TMBIM6: variants seen among roughly 807,000 people sequenced by gnomAD.
TMBIM6 encodes transmembrane BAX inhibitor motif containing 6, also known as bax inhibitor 1.
TMBIM6 carries 13 observed loss-of-function variants against 31.4 expected under a neutral mutation model. The ratio of observed to expected loss-of-function variants is 0.41; its 90% CI spans 0.27 to 0.66. The LOEUF is 0.66. Among genes scored for constraint, TMBIM6 ranks in the 30% least tolerant of loss-of-function variants. TMBIM6 has a pLI of 0.28. For missense variants in TMBIM6, 275 were observed against 289.5 expected (o/e 0.95, Z 0.36); for synonymous variants, 85 against 101.7 (o/e 0.84, Z 0.99).
At position 49,764,463 on chromosome 12, in the gene TMBIM6, G is replaced by A. The variant is rs542215097; in HGVS notation, c.*1567G>A. 6.6e-6 allele frequency: 1 copy of A among 152,476 alleles called. No individual in the cohort carries two copies. Among genetic ancestry groups the A allele is most frequent in the Non-Finnish European group, 1.5e-5 (1 of 67,994 alleles). The allele number at this position is 152,476 out of a possible 1,614,324, so 9.4% of individuals were successfully genotyped here. Reference sequence around the variant, plus strand: ...TATTCCTGGAGTGACATGCCACCCCGAATGGCTCACTTTCACTGAGGATGC... The same window carrying A: ...TATTCCTGGAGTGACATGCCACCCCAAATGGCTCACTTTCACTGAGGATGC... On this transcript the variant is annotated 3_prime_UTR_variant, in exon 10 of 10. Transcript: ENST00000267115.
intron 3 of TMBIM6, among the ~76,000 whole-genome samples, chr12:49,755,335 CCTTT>C (rs1945569132): frequency 1.3e-5 from 2 of 152,048 alleles, no homozygotes. Context: ...TTTCATTCAT[CCTTT>C]CTATTTTTTG....
Position 49,763,848 on chromosome 12 carries a change from T to A in TMBIM6, c.*952T>A, listed in dbSNP as rs1162742919. The A allele has an allele frequency of 6.6e-6, 1 of 152,160 alleles. No individual in the cohort carries two copies. Among genetic ancestry groups the A allele is most frequent in the East Asian group, 1.9e-4 (1 of 5,190 alleles). The allele number at this position is 152,160 out of a possible 1,614,324, so 9.4% of individuals were successfully genotyped here. The stretch of plus-strand genomic sequence containing the variant: ...GAGCAAACCTAGATAAGGACCTGTT[T>A]GGGGCAGCAGGGAGCAAAATCTCCT... On this transcript the variant is annotated 3_prime_UTR_variant, in exon 10 of 10. Coordinates refer to ENST00000267115, the MANE Select transcript of TMBIM6 (RefSeq NM_003217.3).
chr12:49,758,168 A>T, intron 4 of TMBIM6, 59 bp from the exon 5 acceptor site: 1 of 1,599,426 alleles, frequency 6.3e-7, no homozygotes. Flanking sequence ...CAGCTTTTGG[A>T]TGAGGATCCT....
At chr12:49,748,035 C>T (rs1208990372) in intron 1 of TMBIM6, among the ~76,000 whole-genome samples, 3 of 152,152 alleles carry the variant, frequency 2.0e-5, no homozygotes, top group Admixed American at 1.3e-4. Context: ...TCCTGAGTAG[C>T]TGGGACTATA....
At chr12:49,745,143 T>C (rs1032343949) in intron 1 of TMBIM6, among the ~76,000 whole-genome samples, 4 of 152,150 alleles carry the variant, frequency 2.6e-5, no homozygotes, top group African/African-American at 7.2e-5. Flanking sequence ...AAACAATTCC[T>C]TGGATGGTTC....
chr12:49,754,675 A>C (rs969162921), intron 3 of TMBIM6, among the ~76,000 whole-genome samples: 2 of 152,216 alleles, frequency 1.3e-5, no homozygotes, highest in Non-Finnish European at 2.9e-5. Context: ...GGAAGGAAGG[A>C]ACTTCAGTGT....
rs1193082012 is a variant in TMBIM6, at chr12:49,764,738, A to AAC, written c.*1843_*1844insCA. The AAC allele has an allele frequency of 3.3e-5, 5 of 152,190 alleles. No homozygotes were observed. The highest frequency in any genetic ancestry group is 1.2e-4 in the African/African-American group (5 of 41,346). 9.4% of individuals were successfully genotyped at this position (152,190 alleles called of 1,614,324 possible). ...AAAAAAAAAAGAAAGAAAAAAAAAA[A>AAC]AACACCTACTTTTAAAGAAAATACC... On this transcript the variant is annotated 3_prime_UTR_variant, in exon 10 of 10. Transcript: ENST00000267115.
intron 9 of TMBIM6, chr12:49,762,001 G>A (rs1945729167): frequency 6.0e-6 from 3 of 497,556 alleles, no homozygotes; most frequent in Non-Finnish European, 1.1e-5. Flanking sequence ...TAGTATGAAA[G>A]GGAAAAAAGC....
chr12:49,753,157 A>G (rs1592726565), intron 3 of TMBIM6, 76 bp downstream of exon 3: 1 of 1,121,050 alleles, frequency 8.9e-7, no homozygotes, highest in Non-Finnish European at 1.3e-6. Context: ...AGGTGGTCCA[A>G]GGGACCCTGT....
At chr12:49,761,223 G>T (rs1281829891) in intron 8 of TMBIM6, among the ~76,000 whole-genome samples, 1 of 152,032 alleles carries the variant, frequency 6.6e-6, no homozygotes, top group Non-Finnish European at 1.5e-5. Flanking sequence ...AGAGTTCAGA[G>T]CGCTTGAGAC....
chr12:49,747,010 A>AT (rs1175280684), intron 1 of TMBIM6, among the ~76,000 whole-genome samples: 5 of 151,506 alleles, frequency 3.3e-5, no homozygotes, highest in South Asian at 2.1e-4. Context: ...TGATTTTTGT[A>AT]TTTTTTTACT....
chr12:49,753,098 C>G lies in TMBIM6; in HGVS notation c.165+17C>G. On this transcript the variant is annotated intron_variant, in intron 3 of 9. Coordinates refer to ENST00000267115, the MANE Select transcript of TMBIM6 (RefSeq NM_003217.3). ...TTCATTCAGGTAAGAACGATTTTCTCTCCTGGTTGCTGTGGTACAAATTAC... is the reference window on the plus strand; with the variant it reads ...TTCATTCAGGTAAGAACGATTTTCTGTCCTGGTTGCTGTGGTACAAATTAC... The G allele has an allele frequency of 1.2e-6, 2 of 1,603,122 alleles. No individual in the cohort carries two copies. Among genetic ancestry groups the G allele is most frequent in the Non-Finnish European group, 1.7e-6 (2 of 1,172,182 alleles).
rs1275586626 is a variant in TMBIM6 at position 49,764,729 on chromosome 12, A to AAAAG, written c.*1836_*1837insGAAA. On this transcript the variant is annotated 3_prime_UTR_variant, in exon 10 of 10. Coordinates refer to ENST00000267115, the MANE Select transcript of TMBIM6 (RefSeq NM_003217.3). ...AGATATTAAAAAAAAAAAAGAAAGA[A>AAAAG]AAAAAAAAAAACACCTACTTTTAAA... 8.9e-5 allele frequency: 12 copies of AAAAG among 135,086 alleles called. No individual in the cohort carries two copies. The highest frequency in any genetic ancestry group is 3.6e-4 in the African/African-American group (11 of 30,592). The allele number at this position is 135,086 out of a possible 1,614,324, so 8.4% of individuals were successfully genotyped here.
chr12:49,744,022 G>C (rs1945346549), intron 1 of TMBIM6, among the ~76,000 whole-genome samples: 1 of 152,164 alleles, frequency 6.6e-6, no homozygotes, highest in Admixed American at 6.5e-5. Context: ...AGGTTATATA[G>C]TAGAAAGTGG....
intron 1 of TMBIM6, chr12:49,742,204 G>A: frequency 5.0e-6 from 8 of 1,613,272 alleles, no homozygotes; most frequent in Non-Finnish European, 6.8e-6. Context: ...CGGGAAGTGA[G>A]AGGAGTCTGG....
rs1945640754 is a variant in TMBIM6, at chr12:49,758,135, T to C, written c.287-92T>C. The C allele has an allele frequency of 5.8e-6, 8 of 1,373,688 alleles. No individual in the cohort carries two copies. The African/African-American group carries it at 7.2e-5, about 12-fold the overall frequency. The allele number at this position is 1,373,688 out of a possible 1,614,324, so 85.1% of individuals were successfully genotyped here. ...CTTTAGTCCACGTTTGTTAAGAGCA[T>C]GAGTATGCCTATATTTCGGGATCAG... On this transcript the variant is annotated intron_variant, in intron 4 of 9. Coordinates refer to ENST00000267115, the MANE Select transcript of TMBIM6 (RefSeq NM_003217.3).
intron 1 of TMBIM6, among the ~76,000 whole-genome samples, chr12:49,745,417 AC>A: frequency 6.6e-6 from 1 of 152,242 alleles, no homozygotes; most frequent in East Asian, 1.9e-4. Flanking sequence ...CAAAAGTGCT[AC>A]CTGTTTGCTA....
intron 1 of TMBIM6, among the ~76,000 whole-genome samples, chr12:49,745,138 A>G (rs1405741894): frequency 2.0e-5 from 3 of 152,178 alleles, no homozygotes; most frequent in African/African-American, 7.2e-5. Context: ...GAATGAAACA[A>G]TTCCTTGGAT....
At chr12:49,760,725 G>A (rs12299751) in intron 8 of TMBIM6, among the ~76,000 whole-genome samples, 3,382 of 151,804 alleles carry the variant, frequency 0.022, 132 homozygotes, top group African/African-American at 0.078. Context: ...TTAGTAGAAC[G>A]AGGTTTTGCC....
Sources: gnomAD v4.1 joint callset for allele counts (sites outside exome capture counted in the v4.1 genomes callset) on GRCh38, gnomAD v4.1.1 for gene constraint, MANE v1.5 for transcripts, NCBI Gene and HGNC (gene_info 2026-07-23, HGNC 2026-07-21) for gene names.